ARHGEF4: variants seen among roughly 807,000 people sequenced by gnomAD.
ARHGEF4 encodes the protein APC-stimulated guanine nucleotide exchange factor 1.
In ARHGEF4, 119 loss-of-function variants were observed where a neutral mutation model predicts 162.0. That is an observed-to-expected ratio of 0.73 (90% CI 0.63 to 0.86). The LOEUF (loss-of-function observed/expected upper bound fraction) is 0.86. ARHGEF4 is among the 40% of genes least tolerant of loss of function. The probability of loss-of-function intolerance (pLI) is 0.00; values close to 1 mark genes in which losing one functional copy is unlikely to be tolerated. For missense variants in ARHGEF4, 2,488 were observed against 2,456.0 expected (o/e 1.01, Z -0.28); for synonymous variants, 1,014 against 979.9 (o/e 1.03, Z -0.65).
chr2:130,988,123 A>G (rs897095528), intron 4 of ARHGEF4, among the ~76,000 whole-genome samples: 1 of 152,236 alleles, frequency 6.6e-6, no homozygotes, highest in African/African-American at 2.4e-5. Context: ...TATGGAAGGA[A>G]TGAAGGACTC....
chr2:130,872,081 TC>T, intron 1 of ARHGEF4, among the ~76,000 whole-genome samples: 1 of 152,210 alleles, frequency 6.6e-6, no homozygotes, highest in South Asian at 2.1e-4. Context: ...GGGCAGGCAA[TC>T]GGCCCAGCTG....
At chr2:131,029,216 A>G (rs564678526) in intron 5 of ARHGEF4, among the ~76,000 whole-genome samples, 1 of 152,120 alleles carries the variant, frequency 6.6e-6, no homozygotes, top group South Asian at 2.1e-4. Context: ...AAAATTAGCC[A>G]GGCATGGTGG....
At chr2:131,004,489 G>A (rs931574846) in intron 4 of ARHGEF4, among the ~76,000 whole-genome samples, 3 of 152,112 alleles carry the variant, frequency 2.0e-5, no homozygotes, top group Admixed American at 1.3e-4. Context: ...AACCACATTC[G>A]GAAGTATTTC....
chr2:131,028,951 G>T (rs1021646903), intron 5 of ARHGEF4, among the ~76,000 whole-genome samples: 1 of 152,166 alleles, frequency 6.6e-6, no homozygotes, highest in African/African-American at 2.4e-5. Flanking sequence ...GAATGAGTTG[G>T]GGGGCTTCTC....
intron 1 of ARHGEF4, among the ~76,000 whole-genome samples, chr2:130,850,996 T>A (rs1406427938): frequency 6.6e-6 from 1 of 152,230 alleles, no homozygotes; most frequent in Admixed American, 6.5e-5. Flanking sequence ...GGCCGTTCAC[T>A]CAGCTCCTTG....
chr2:130,935,556 T>C (rs527450916), intron 3 of ARHGEF4, among the ~76,000 whole-genome samples: 7 of 152,196 alleles, frequency 4.6e-5, no homozygotes. Flanking sequence ...TCCATAAGCA[T>C]TGATAGGTTG....
intron 5 of ARHGEF4, among the ~76,000 whole-genome samples, chr2:131,037,420 T>C (rs764432867): frequency 2.0e-4 from 31 of 152,084 alleles, no homozygotes; most frequent in Non-Finnish European, 3.8e-4. Flanking sequence ...TTGGTTTCCA[T>C]GTTGAGGTGA....
At chr2:130,923,123 T>G (rs62178870) in intron 2 of ARHGEF4, among the ~76,000 whole-genome samples, 5,452 of 152,156 alleles carry the variant, frequency 0.036, 113 homozygotes, top group Middle Eastern at 0.075. Flanking sequence ...TAGAGATGGG[T>G]TTCGCCATAT....
chr2:130,950,467 T>A (rs2105159977), intron 4 of ARHGEF4, among the ~76,000 whole-genome samples: 1 of 152,326 alleles, frequency 6.6e-6, no homozygotes. Flanking sequence ...AAGCTGTAGG[T>A]CACCTCTTTC....
chr2:130,946,801 C>A, intron 4 of ARHGEF4, 166 bp downstream of exon 4: 1 of 930,886 alleles, frequency 1.1e-6, no homozygotes, highest in Non-Finnish European at 1.5e-6. Flanking sequence ...GTGCCTACTA[C>A]CCAAAGAAAG....
chr2:130,956,644 A>G (rs1684291744), intron 4 of ARHGEF4, among the ~76,000 whole-genome samples: 4 of 152,098 alleles, frequency 2.6e-5, no homozygotes, highest in Admixed American at 2.6e-4. Flanking sequence ...GCAGCCATAA[A>G]AAATGATGAG....
In ARHGEF4 at chr2:130,941,991, G is replaced by C. The variant is rs986585977; in HGVS notation, c.3859-4518G>C. The stretch of plus-strand genomic sequence containing the variant: ...TTTCCCTTTAAGCAGGATTAAAGTA[G>C]ATTTTGAGAGGATTCCAAGCCTAAG... On this transcript the variant is annotated intron_variant, in intron 3 of 13. Transcript: ENST00000409359. Among the ~76,000 whole-genome samples, 6 of 152,264 alleles carry C rather than the reference G, an allele frequency of 3.9e-5. No individual in the cohort carries two copies. The East Asian group carries it at 1.2e-3, about 29-fold the overall frequency.
chr2:130,986,257 C>T (rs1434794805), intron 4 of ARHGEF4, among the ~76,000 whole-genome samples: 1 of 152,190 alleles, frequency 6.6e-6, no homozygotes, highest in African/African-American at 2.4e-5. Flanking sequence ...ATCAGCGTCC[C>T]TCTTTGTGGG....
In ARHGEF4 at chr2:130,926,651, A is replaced by G. The variant is rs1241711456; in HGVS notation, c.3553-4301A>G. On this transcript the variant is annotated intron_variant, in intron 2 of 13. Transcript: ENST00000409359. Reference sequence around the variant, plus strand: ...CACCTTATGCAAGGATGGGTGTTTCATTTACTAATAGGCAGGGATGAGAGT... The same window carrying G: ...CACCTTATGCAAGGATGGGTGTTTCGTTTACTAATAGGCAGGGATGAGAGT... Among the ~76,000 whole-genome samples, 4 of 152,034 alleles carry G rather than the reference A, an allele frequency of 2.6e-5. No homozygotes were observed. The South Asian group carries it at 6.2e-4, about 24-fold the overall frequency.
intron 4 of ARHGEF4, among the ~76,000 whole-genome samples, chr2:130,997,404 T>C (rs1028788160): frequency 1.3e-5 from 2 of 152,248 alleles, no homozygotes; most frequent in Non-Finnish European, 2.9e-5. Flanking sequence ...AGGTCATTTC[T>C]AAATTGTGAC....
chr2:130,849,929 G>A (rs1681283225), intron 1 of ARHGEF4, among the ~76,000 whole-genome samples: 1 of 152,202 alleles, frequency 6.6e-6, no homozygotes, highest in Admixed American at 6.5e-5. Context: ...TAATTGATGT[G>A]TACATTTAAC....
chr2:130,841,962 C>T (rs1489915865), intron 1 of ARHGEF4, among the ~76,000 whole-genome samples: 1 of 152,234 alleles, frequency 6.6e-6, no homozygotes, highest in Non-Finnish European at 1.5e-5. Flanking sequence ...GATGCTCTTC[C>T]CCCAGGGTCG....
chr2:131,042,021 C>G, intron 10 of ARHGEF4, 77 bp downstream of exon 10: 1 of 1,531,686 alleles, frequency 6.5e-7, no homozygotes. Context: ...CCTGAAAAAT[C>G]TAGAAGGGAG....
chr2:130,992,397 C>T (rs1217749231), intron 4 of ARHGEF4, among the ~76,000 whole-genome samples: 2 of 151,666 alleles, frequency 1.3e-5, no homozygotes, highest in East Asian at 2.0e-4. Context: ...ACGCTCACCG[C>T]GAAGGTCTGT....
Sources: allele counts gnomAD v4.1 joint callset (sites outside exome capture counted in the v4.1 genomes callset), GRCh38; gene constraint gnomAD v4.1.1; transcripts MANE v1.5; gene names NCBI Gene and HGNC (gene_info 2026-07-23, HGNC 2026-07-21).